CREB5: variants seen among roughly 807,000 people sequenced by gnomAD.
CREB5 encodes the protein cyclic AMP-responsive element-binding protein 5.
CREB5 carries 19 observed loss-of-function variants against 57.1 expected under a neutral mutation model. The observed-to-expected ratio is 0.33, with a 90% CI of 0.23 to 0.49. The LOEUF is 0.49. CREB5 is among the 20% of genes least tolerant of loss of function. The probability of loss-of-function intolerance (pLI) is 0.99; values close to 1 mark genes in which losing one functional copy is unlikely to be tolerated. For synonymous variants in CREB5, 238 were observed against 238.3 expected (o/e 1.00, Z 0.01); for missense variants, 579 against 671.6 (o/e 0.86, Z 1.52).
chr7:28,402,673 T>A (rs999284999), intron 1 of CREB5, among the ~76,000 whole-genome samples: 5 of 152,048 alleles, frequency 3.3e-5, no homozygotes, highest in Non-Finnish European at 5.9e-5. Context: ...AAAAATTAAT[T>A]CAAGATGGAT....
chr7:28,560,105 T>C (rs1040167167), intron 4 of CREB5, among the ~76,000 whole-genome samples: 8 of 152,238 alleles, frequency 5.3e-5, no homozygotes, highest in African/African-American at 1.9e-4. Context: ...TTATCTTTAC[T>C]TTGTAGGTCA....
intron 4 of CREB5, among the ~76,000 whole-genome samples, chr7:28,561,927 G>C (rs1169975970): frequency 6.6e-6 from 1 of 152,146 alleles, no homozygotes; most frequent in Non-Finnish European, 1.5e-5. Context: ...GTATTTTTTA[G>C]TAGTGATGGG....
At chr7:28,619,699 T>C (rs954736390) in intron 5 of CREB5, among the ~76,000 whole-genome samples, 39 of 152,152 alleles carry the variant, frequency 2.6e-4, no homozygotes, top group African/African-American at 8.0e-4. Flanking sequence ...AAAACTATCA[T>C]TCATGAAATA....
chr7:28,540,961 C>T (rs747869478), intron 4 of CREB5, among the ~76,000 whole-genome samples: 9 of 152,188 alleles, frequency 5.9e-5, no homozygotes, highest in Non-Finnish European at 1.0e-4. Flanking sequence ...CTGATACCCA[C>T]GCCACCTTGA....
In CREB5 at chr7:28,820,635, T is replaced by C. The variant is rs1809712547; in HGVS notation, c.*1356T>C. ...TTTTTTTCTTTTTTGAGACAGAGTCTCACCTATTGCCCAGACTGAAGTGCA... is the reference window on the plus strand; with the variant it reads ...TTTTTTTCTTTTTTGAGACAGAGTCCCACCTATTGCCCAGACTGAAGTGCA... On this transcript the variant is annotated 3_prime_UTR_variant, in exon 11 of 11. Coordinates refer to ENST00000357727, the MANE Select transcript of CREB5 (RefSeq NM_182898.4). 1 of 152,298 alleles carries C rather than the reference T, an allele frequency of 6.6e-6. No individual in the cohort carries two copies. The highest frequency in any genetic ancestry group is 2.1e-4 in the South Asian group (1 of 4,804). 9.4% of individuals were successfully genotyped at this position (152,298 alleles called of 1,614,324 possible).
rs571241468 is a variant in CREB5, at chr7:28,821,295, C to T, written c.*2016C>T. ...AGAAAAAAAGAAAATATGAGGGTCT[C>T]GAAGCATGATTTTTATATAACTAGT... On this transcript the variant is annotated 3_prime_UTR_variant, in exon 11 of 11. Transcript: ENST00000357727. 1.2e-4 allele frequency: 18 copies of T among 151,928 alleles called. No homozygotes were observed. Among genetic ancestry groups the T allele is most frequent in the African/African-American group, 4.1e-4 (17 of 41,480 alleles). 9.4% of individuals were successfully genotyped at this position (151,928 alleles called of 1,614,324 possible). A position where few individuals can be genotyped will look rare whatever the true frequency, so the allele number is the denominator to read the frequency against.
At chr7:28,537,866 A>G (rs530734746) in intron 4 of CREB5, among the ~76,000 whole-genome samples, 57 of 152,296 alleles carry the variant, frequency 3.7e-4, no homozygotes, top group African/African-American at 1.2e-3. Context: ...CTACCCACAT[A>G]CATACTAGCC....
At chr7:28,464,137 G>T (rs1355568440) in intron 1 of CREB5, among the ~76,000 whole-genome samples, 1 of 152,098 alleles carries the variant, frequency 6.6e-6, no homozygotes, top group Non-Finnish European at 1.5e-5. Flanking sequence ...ATATTGATTG[G>T]TTTTCAGATA....
chr7:28,708,278 T>TTG (rs1802225656), intron 5 of CREB5, among the ~76,000 whole-genome samples: 1 of 152,202 alleles, frequency 6.6e-6, no homozygotes, highest in African/African-American at 2.4e-5. Flanking sequence ...CAGCCCAAGG[T>TTG]TGCATAGTCC....
At chr7:28,332,035 A>G (rs889209197) in intron 1 of CREB5, among the ~76,000 whole-genome samples, 6 of 152,162 alleles carry the variant, frequency 3.9e-5, no homozygotes, top group Admixed American at 3.9e-4. Flanking sequence ...ATCCTGGATT[A>G]TTTGGATAGG....
chr7:28,372,155 T>C (rs1451191137), intron 1 of CREB5, among the ~76,000 whole-genome samples: 2 of 152,304 alleles, frequency 1.3e-5, no homozygotes, highest in Non-Finnish European at 1.5e-5. Flanking sequence ...ACGGCAACTC[T>C]CTGCCCTCAA....
chr7:28,724,582 C>G (rs1449890755), intron 7 of CREB5: 1 of 446,706 alleles, frequency 2.2e-6, no homozygotes, highest in African/African-American at 2.0e-5. Flanking sequence ...TTTGGTAGAT[C>G]CATACAAGTT....
intron 5 of CREB5, among the ~76,000 whole-genome samples, chr7:28,641,473 T>C (rs1798656588): frequency 6.6e-6 from 1 of 152,140 alleles, no homozygotes; most frequent in African/African-American, 2.4e-5. Flanking sequence ...ATAGCAACTT[T>C]GTGGTGAGCT....
At chr7:28,531,105 C>T (rs1793709934) in intron 4 of CREB5, among the ~76,000 whole-genome samples, 1 of 152,054 alleles carries the variant, frequency 6.6e-6, no homozygotes, top group African/African-American at 2.4e-5. Flanking sequence ...GGGGAAAGCC[C>T]CATGGTCAAT....
At chr7:28,729,609 A>G (rs868339561) in intron 7 of CREB5, among the ~76,000 whole-genome samples, 17 of 152,242 alleles carry the variant, frequency 1.1e-4, no homozygotes, top group Non-Finnish European at 1.9e-4. Context: ...GCTTATACAC[A>G]TGAAAAGACA....
At chr7:28,539,651 C>T (rs1434271640) in intron 4 of CREB5, among the ~76,000 whole-genome samples, 1 of 152,232 alleles carries the variant, frequency 6.6e-6, no homozygotes, top group East Asian at 1.9e-4. Context: ...ACTCCTACAG[C>T]CTTCAGGCCA....
At chr7:28,517,703 C>T (rs757449607) in intron 4 of CREB5, among the ~76,000 whole-genome samples, 37 of 152,112 alleles carry the variant, frequency 2.4e-4, no homozygotes, top group Non-Finnish European at 4.9e-4. Context: ...CTCCTGTCTG[C>T]AGTGGAATAT....
chr7:28,689,391 C>G (rs1801124834), intron 5 of CREB5, among the ~76,000 whole-genome samples: 1 of 152,096 alleles, frequency 6.6e-6, no homozygotes, highest in African/African-American at 2.4e-5. Flanking sequence ...TGGTGTGAAC[C>G]TGGGAGGCGG....
intron 3 of CREB5, 129 bp downstream of exon 3, chr7:28,495,128 A>G: frequency 1.9e-6 from 1 of 538,832 alleles, no homozygotes. Context: ...TCTAAGGTAT[A>G]GCAGAAATAT....
Sources: gnomAD v4.1 joint callset for allele counts (sites outside exome capture counted in the v4.1 genomes callset) on GRCh38, gnomAD v4.1.1 for gene constraint, MANE v1.5 for transcripts, NCBI Gene and HGNC (gene_info 2026-07-23, HGNC 2026-07-21) for gene names.